TTC28: variants seen among roughly 807,000 people sequenced by gnomAD.
TTC28 encodes tetratricopeptide repeat domain 28, also known as tetratricopeptide repeat protein 28.
TTC28 carries 61 observed loss-of-function variants against 198.0 expected under a neutral mutation model. That is an observed-to-expected ratio of 0.31 (90% confidence interval 0.25 to 0.38). TTC28 has a LOEUF of 0.38. Among genes scored for constraint, TTC28 ranks in the 10% least tolerant of loss-of-function variants. The pLI, the probability that TTC28 is intolerant of heterozygous loss-of-function variation, is 1.00. For synonymous variants in TTC28, 1,171 were observed against 1,297.8 expected (o/e 0.90, Z 2.10); for missense variants, 2,678 against 3,164.0 (o/e 0.85, Z 3.69).
intron 2 of TTC28, among the ~76,000 whole-genome samples, chr22:28,562,407 T>C (rs1329017926): frequency 2.0e-5 from 3 of 152,184 alleles, no homozygotes; most frequent in East Asian, 3.9e-4. Context: ...GACACTGTCA[T>C]GAAGACTAGC....
rs977624142 is a variant in TTC28, at chr22:28,613,342, G to A, written c.381+16210C>T. ...AACCAAAAAAAGTCCAGGACCAGATGGATTCACAGCCAAATTCTACTACAG... is the reference window on the plus strand; with the variant it reads ...AACCAAAAAAAGTCCAGGACCAGATAGATTCACAGCCAAATTCTACTACAG... On this transcript the variant is annotated intron_variant, in intron 2 of 22. Transcript: ENST00000397906. Among the ~76,000 whole-genome samples, 3 of 152,102 alleles carry A rather than the reference G, an allele frequency of 2.0e-5. No individual in the cohort carries two copies. In the East Asian group the frequency reaches 5.8e-4, roughly 29 times the overall value.
chr22:28,312,036 A>C (rs200817182), intron 2 of TTC28, among the ~76,000 whole-genome samples: 37 of 147,858 alleles, frequency 2.5e-4, no homozygotes, highest in East Asian at 2.3e-3. Context: ...ATAGAAAGCA[A>C]AAAAAAAAAA....
chr22:28,493,453 G>GA (rs1328904540), intron 2 of TTC28, among the ~76,000 whole-genome samples: 1 of 151,906 alleles, frequency 6.6e-6, no homozygotes, highest in Non-Finnish European at 1.5e-5. Context: ...GAAAATAAGG[G>GA]AAAAAAACAT....
intron 5 of TTC28, among the ~76,000 whole-genome samples, chr22:28,223,102 A>T (rs1177528894): frequency 6.6e-6 from 1 of 152,166 alleles, no homozygotes; most frequent in East Asian, 1.9e-4. Context: ...CGCTCTCAGC[A>T]TGACACTGAA....
At chr22:28,516,917 A>G (rs116627316) in intron 2 of TTC28, among the ~76,000 whole-genome samples, 22 of 152,342 alleles carry the variant, frequency 1.4e-4, no homozygotes, top group African/African-American at 4.8e-4. Flanking sequence ...TTCACTTGCC[A>G]GTCGAAAGTA....
At chr22:28,645,354 C>T (rs2051443024) in intron 1 of TTC28, among the ~76,000 whole-genome samples, 1 of 150,260 alleles carries the variant, frequency 6.7e-6, no homozygotes, top group South Asian at 2.1e-4. Flanking sequence ...TTCAGGCCGG[C>T]GCGGTAGCTC....
At chr22:28,257,744 A>T in intron 5 of TTC28, among the ~76,000 whole-genome samples, 1 of 21,130 alleles carries the variant, frequency 4.7e-5, no homozygotes, top group South Asian at 2.6e-3. Context: ...TAGAACATAT[A>T]TATATATATA....
At chr22:28,409,131 T>C (rs1230430156) in intron 2 of TTC28, among the ~76,000 whole-genome samples, 1 of 152,112 alleles carries the variant, frequency 6.6e-6, no homozygotes, top group African/African-American at 2.4e-5. Flanking sequence ...CTGTGAAAAA[T>C]TAGTGATAAT....
intron 2 of TTC28, among the ~76,000 whole-genome samples, chr22:28,415,248 C>G (rs1008454196): frequency 1.3e-5 from 2 of 151,778 alleles, no homozygotes; most frequent in Admixed American, 1.3e-4. Context: ...AAATGGAATT[C>G]CCTTGAGATA....
intron 8 of TTC28, among the ~76,000 whole-genome samples, chr22:28,103,206 C>G (rs1402668802): frequency 6.6e-6 from 1 of 152,142 alleles, no homozygotes; most frequent in Admixed American, 6.5e-5. Context: ...CCTGACTCAC[C>G]CATCCAGCTC....
intron 5 of TTC28, among the ~76,000 whole-genome samples, chr22:28,294,343 C>T (rs749448490): frequency 7.9e-5 from 12 of 151,956 alleles, no homozygotes; most frequent in Non-Finnish European, 1.2e-4. Flanking sequence ...TAAAACATGA[C>T]GTAAATTACA....
intron 2 of TTC28, among the ~76,000 whole-genome samples, chr22:28,512,255 C>T (rs2048699622): frequency 6.6e-6 from 1 of 152,056 alleles, no homozygotes; most frequent in African/African-American, 2.4e-5. Context: ...TATCATATCA[C>T]ACCAGTCAGA....
intron 13 of TTC28, among the ~76,000 whole-genome samples, chr22:28,015,801 A>C (rs1938348530): frequency 6.6e-6 from 1 of 151,846 alleles, no homozygotes; most frequent in Admixed American, 6.6e-5. Flanking sequence ...AGGACTCTTA[A>C]GGGCAAAGAC....
At chr22:27,996,582 CT>C (rs1366494411) in intron 16 of TTC28, among the ~76,000 whole-genome samples, 8 of 152,140 alleles carry the variant, frequency 5.3e-5, no homozygotes, top group Admixed American at 4.6e-4. Context: ...ATCCTTAGGC[CT>C]TTAGGGGGGA....
chr22:28,637,032 G>A (rs562128272), intron 1 of TTC28, among the ~76,000 whole-genome samples: 91 of 141,014 alleles, frequency 6.5e-4, no homozygotes, highest in Admixed American at 2.3e-3. Flanking sequence ...TTTTTGAGAC[G>A]GAGTCTTGCT....
At chr22:28,453,377 T>C (rs867709766) in intron 2 of TTC28, among the ~76,000 whole-genome samples, 1 of 152,156 alleles carries the variant, frequency 6.6e-6, no homozygotes, top group Non-Finnish European at 1.5e-5. Context: ...AGTCTCAAAC[T>C]GCTAACTACC....
At chr22:28,588,802 C>T (rs1210290259) in intron 2 of TTC28, among the ~76,000 whole-genome samples, 2 of 152,186 alleles carry the variant, frequency 1.3e-5, no homozygotes, top group Non-Finnish European at 2.9e-5. Flanking sequence ...TCGAGTACTA[C>T]TTTGCTGGTT....
chr22:28,180,566 T>C (rs1923603242), intron 5 of TTC28, among the ~76,000 whole-genome samples: 1 of 151,970 alleles, frequency 6.6e-6, no homozygotes, highest in Non-Finnish European at 1.5e-5. Context: ...AATCCCAAAA[T>C]ATGTACATAG....
intron 5 of TTC28, among the ~76,000 whole-genome samples, chr22:28,265,336 A>C (rs2147310689): frequency 6.6e-6 from 1 of 152,300 alleles, no homozygotes; most frequent in South Asian, 2.1e-4. Context: ...CAAATGGTTT[A>C]TCAGTGCTCA....
Sources: allele counts gnomAD v4.1 joint callset (sites outside exome capture counted in the v4.1 genomes callset), GRCh38; gene constraint gnomAD v4.1.1; transcripts MANE v1.5; gene names NCBI Gene and HGNC (gene_info 2026-07-23, HGNC 2026-07-21).